TLCD3B: variants seen among roughly 807,000 people sequenced by gnomAD.
The protein encoded by TLCD3B is ceramide synthase.
In TLCD3B, 9 loss-of-function variants were observed where a neutral mutation model predicts 23.0. That is an observed-to-expected ratio of 0.39 (90% CI 0.24 to 0.68). TLCD3B has a LOEUF of 0.68. TLCD3B is among the 30% of genes least tolerant of loss of function. The pLI, the probability that TLCD3B is intolerant of heterozygous loss-of-function variation, is 0.44. For synonymous variants in TLCD3B, 161 were observed against 161.0 expected (o/e 1.00, Z 0.00); for missense variants, 307 against 371.8 (o/e 0.83, Z 1.43).
At chr16:30,047,201 A>G (rs2071687700) in intron 1 of TLCD3B, among the ~76,000 whole-genome samples, 1 of 151,738 alleles carries the variant, frequency 6.6e-6, no homozygotes, top group South Asian at 2.1e-4. Flanking sequence ...ATCTAGCGCA[A>G]TCTCGGCTCA....
In TLCD3B at chr16:30,025,604, C is replaced by G. The variant is rs2071089094; in HGVS notation, c.540+122G>C. On this transcript the variant is annotated intron_variant, in intron 4 of 4. Transcript: ENST00000380495. This position sits in a 1 kb window ranked among gnomAD's most constrained non-coding sequence, Gnocchi z 4.1. The stretch of plus-strand genomic sequence containing the variant: ...TGCCAGGACACAAGCACCAGGTGCT[C>G]AAAATGCACGGGGTGAGGGGGGGAT... The G allele has an allele frequency of 2.0e-6, 3 of 1,474,314 alleles. No homozygotes were observed. Among genetic ancestry groups the G allele is most frequent in the Non-Finnish European group, 2.8e-6 (3 of 1,056,384 alleles). The allele number at this position is 1,474,314 out of a possible 1,614,324, so 91.3% of individuals were successfully genotyped here.
At chr16:30,026,422 C>T (rs1431912867) in intron 3 of TLCD3B, among the ~76,000 whole-genome samples, 187 bp downstream of exon 3, 1 of 152,108 alleles carries the variant, frequency 6.6e-6, no homozygotes, top group Non-Finnish European at 1.5e-5. Flanking sequence ...GGCCAGGCTG[C>T]CCCCACACCC....
intron 3 of TLCD3B, chr16:30,036,427 G>A (rs1163654866): frequency 7.9e-7 from 1 of 1,268,840 alleles, no homozygotes. Flanking sequence ...GAGCAGAGGT[G>A]TGGAGCAGGC....
intron 3 of TLCD3B, among the ~76,000 whole-genome samples, chr16:30,038,706 C>T (rs2071519588): frequency 6.6e-6 from 1 of 151,482 alleles, no homozygotes; most frequent in African/African-American, 2.4e-5. Flanking sequence ...GCTGAGAAGC[C>T]GAGATCACGC....
At chr16:30,030,182 G>A (rs1647888667) in intron 1 of TLCD3B, 3 of 1,415,458 alleles carry the variant, frequency 2.1e-6, no homozygotes, top group African/African-American at 2.8e-5. Flanking sequence ...GAGAGAGGCG[G>A]GCTGAACACT....
At chr16:30,027,690 A>T (rs1047377761) in intron 2 of TLCD3B, 2 of 455,154 alleles carry the variant, frequency 4.4e-6, no homozygotes, top group Non-Finnish European at 8.8e-6. Context: ...AACAAAAACG[A>T]GAAATGGATG....
chr16:30,036,162 G>A (rs1174018512), upstream of TLCD3B: 5 of 1,287,978 alleles, frequency 3.9e-6, no homozygotes. Flanking sequence ...CACCTCAGAG[G>A]GACAGGTTGG....
rs2071040717 is a variant in TLCD3B, at chr16:30,025,045, C to T, written c.*138G>A. ...CCCCTCAGTCCCCGAGAGATGGGGC[C>T]TCTTCCCTTTCGGGGTCATCGTCAG... On this transcript the variant is annotated 3_prime_UTR_variant, in exon 5 of 5. Coordinates refer to ENST00000380495, the MANE Select transcript of TLCD3B (RefSeq NM_031478.6). The surrounding 1 kb of genome is among the most constrained non-coding windows in gnomAD (Gnocchi z 4.1). 3.3e-6 allele frequency: 2 copies of T among 599,270 alleles called. No homozygotes were observed. The highest frequency in any genetic ancestry group is 5.6e-6 in the Non-Finnish European group (2 of 357,690). The allele number at this position is 599,270 out of a possible 1,614,324, so 37.1% of individuals were successfully genotyped here.
chr16:30,039,762 C>G (rs1443730044), intron 3 of TLCD3B, among the ~76,000 whole-genome samples: 1 of 152,038 alleles, frequency 6.6e-6, no homozygotes, highest in African/African-American at 2.4e-5. Context: ...CAGGCATGAG[C>G]CACCATGCTC....
At chr16:30,039,872 G>A (rs924321879) in intron 3 of TLCD3B, among the ~76,000 whole-genome samples, 13 of 151,732 alleles carry the variant, frequency 8.6e-5, no homozygotes, top group African/African-American at 1.7e-4. Flanking sequence ...GGTGGCTCAC[G>A]CCTGTGATCC....
At chr16:30,030,337 G>A in intron 1 of TLCD3B, 66 bp downstream of exon 1, 1 of 1,448,818 alleles carries the variant, frequency 6.9e-7, no homozygotes, top group Non-Finnish European at 9.4e-7. Flanking sequence ...AGAAGTGCCA[G>A]GTCCCTTCCA....
chr16:30,035,953 G>T (rs2071464474), upstream of TLCD3B, among the ~76,000 whole-genome samples: 1 of 151,986 alleles, frequency 6.6e-6, no homozygotes. Flanking sequence ...AGTAGAGACA[G>T]GACTTTACTG....
At chr16:30,028,085 C>G (rs1473611282) in intron 2 of TLCD3B, among the ~76,000 whole-genome samples, 1 of 152,120 alleles carries the variant, frequency 6.6e-6, no homozygotes, top group Non-Finnish European at 1.5e-5. Context: ...GTAGAGAACG[C>G]GAAGCGGGAA....
chr16:30,038,889 G>A (rs942186275), intron 3 of TLCD3B, among the ~76,000 whole-genome samples: 1 of 152,042 alleles, frequency 6.6e-6, no homozygotes, highest in Non-Finnish European at 1.5e-5. Context: ...ACTTGTCCAA[G>A]GTTAAACAGT....
chr16:30,027,637 A>G, intron 2 of TLCD3B: 1 of 456,136 alleles, frequency 2.2e-6, no homozygotes, highest in South Asian at 1.5e-5. Flanking sequence ...ATGCAGAGCA[A>G]AAGGAGCCAA....
Position 30,026,617 on chromosome 16 carries a change from G to T in TLCD3B, c.436C>A (p.Leu146Ile), listed in dbSNP as rs2071150335. Residue 146 changes from leucine (L) to isoleucine (I), a missense_variant, in exon 3 of 5, where the codon CTC (leucine) becomes ATC (isoleucine). By Grantham distance (5) the Leu-to-Ile change is conservative (BLOSUM62 2). Transcript: ENST00000380495. ...AGCTCCCCGGGACTCACCACTGAGA[G>T]TGGGAAGCACACCAGCACCATGGCG... ...HAAMVLVCFP[L>I]SVVWRQGKGD... 1 of 1,613,330 alleles carries T rather than the reference G, an allele frequency of 6.2e-7. No individual in the cohort carries two copies. The highest frequency in any genetic ancestry group is 2.2e-5 in the East Asian group (1 of 44,872).
At chr16:30,050,507 A>T (rs1200054114) in intron 1 of TLCD3B, among the ~76,000 whole-genome samples, 1 of 152,096 alleles carries the variant, frequency 6.6e-6, no homozygotes, top group African/African-American at 2.4e-5. Flanking sequence ...GTGCCATTGC[A>T]CTCCAGCCTG....
At chr16:30,035,557 C>T (rs2071452266), upstream of TLCD3B, 1 of 1,253,484 alleles carries the variant, frequency 8.0e-7, no homozygotes, top group Non-Finnish European at 1.0e-6. Context: ...CAGCAGCCTT[C>T]TTCACCCCCA....
chr16:30,036,635 T>C, intron 3 of TLCD3B: 2 of 306,526 alleles, frequency 6.5e-6, no homozygotes, highest in Non-Finnish European at 1.3e-5. Context: ...GGCCCGCCAG[T>C]TGATACATGT....
Sources: gnomAD v4.1 joint callset for allele counts (sites outside exome capture counted in the v4.1 genomes callset) on GRCh38, gnomAD v4.1.1 for gene constraint, Gnocchi (gnomAD v3.1) non-coding constraint, MANE v1.5 for transcripts, NCBI Gene and HGNC (gene_info 2026-07-23, HGNC 2026-07-21) for gene names.